EFR3A: variants seen among roughly 807,000 people sequenced by gnomAD.
EFR3A encodes the protein EFR3 homolog A, also known as protein EFR3 homolog A.
Under a neutral mutation model 104.4 loss-of-function variants are expected in EFR3A, and 76 were observed. That is an observed-to-expected ratio of 0.73 (90% CI 0.60 to 0.88). The LOEUF is 0.88. Among genes scored for constraint, EFR3A ranks in the 40% least tolerant of loss-of-function variants. The probability of loss-of-function intolerance (pLI) is 0.00; values close to 1 mark genes in which losing one functional copy is unlikely to be tolerated. For missense variants in EFR3A, 985 were observed against 1,012.5 expected, an observed-to-expected ratio of 0.97 and a Z score of 0.37; for synonymous variants, 330 against 330.0, an observed-to-expected ratio of 1.00 and a Z score of 0.00.
At chr8:131,946,035 T>C (rs1818422275) in intron 3 of EFR3A, among the ~76,000 whole-genome samples, 1 of 152,070 alleles carries the variant, frequency 6.6e-6, no homozygotes, top group Non-Finnish European at 1.5e-5. Context: ...TGTAAAGTAA[T>C]ATTTATGAGA....
At chr8:131,992,050 A>C (rs1035217313) in intron 18 of EFR3A, among the ~76,000 whole-genome samples, 3 of 152,128 alleles carry the variant, frequency 2.0e-5, no homozygotes, top group Non-Finnish European at 4.4e-5. Flanking sequence ...TATTGGCTTC[A>C]ACATGACTCT....
intron 4 of EFR3A, among the ~76,000 whole-genome samples, chr8:131,948,435 TTAAA>T (rs1465985928): frequency 6.6e-6 from 1 of 152,162 alleles, no homozygotes; most frequent in Non-Finnish European, 1.5e-5. Context: ...AGTAAGAGCG[TTAAA>T]TAAACCCTCA....
chr8:131,941,590 A>G (rs923780023), intron 2 of EFR3A, among the ~76,000 whole-genome samples: 4 of 152,122 alleles, frequency 2.6e-5, no homozygotes, highest in Admixed American at 1.3e-4. Context: ...GGACCTTTCC[A>G]TCCAGTAACT....
At chr8:131,943,934 A>G (rs1038838571) in intron 2 of EFR3A, among the ~76,000 whole-genome samples, 1 of 152,104 alleles carries the variant, frequency 6.6e-6, no homozygotes, top group African/African-American at 2.4e-5. Context: ...AAAACGGAGT[A>G]GGTACAAAAT....
chr8:131,936,421 A>G (rs1263345299), intron 1 of EFR3A, among the ~76,000 whole-genome samples: 1 of 152,084 alleles, frequency 6.6e-6, no homozygotes, highest in East Asian at 1.9e-4. Context: ...CAATATTTAC[A>G]TGGAGGTAGT....
intron 9 of EFR3A, among the ~76,000 whole-genome samples, chr8:131,970,072 A>G (rs539774132): frequency 3.3e-5 from 5 of 152,316 alleles, no homozygotes; most frequent in Admixed American, 6.5e-5. Context: ...TACAAAATAA[A>G]TATTTGATGC....
intron 1 of EFR3A, among the ~76,000 whole-genome samples, chr8:131,936,779 G>A (rs1376355372): frequency 6.6e-6 from 1 of 152,132 alleles, no homozygotes; most frequent in African/African-American, 2.4e-5. Context: ...CCAAGTATGG[G>A]AGAAGGAGTG....
chr8:131,999,682 G>A (rs1821691853), intron 19 of EFR3A, among the ~76,000 whole-genome samples: 2 of 150,740 alleles, frequency 1.3e-5, no homozygotes. Flanking sequence ...TTAAATGCTA[G>A]TATAAAGCAG....
In EFR3A at chr8:131,979,404, A is replaced by C; in HGVS notation, c.1558A>C (p.Thr520Pro). The change falls in exon 14 of 23, where the codon ACA becomes CCA. Residue 520 changes from threonine to proline, a missense_variant. Transcript: ENST00000254624. The part of the protein sequence containing the change: ...IKREKICRQD[T>P]SFMKKNGQQL... Reference sequence around the variant, plus strand: ...AAGAGAAAAAATTTGCAGACAAGACACAAGTTTCATGAAAAAGGTAAGACA... The same window carrying C: ...AAGAGAAAAAATTTGCAGACAAGACCCAAGTTTCATGAAAAAGGTAAGACA... 6.4e-7 allele frequency: 1 copy of C among 1,562,476 alleles called. No homozygotes were observed. The highest frequency in any genetic ancestry group is 1.2e-5 in the South Asian group (1 of 84,678).
chr8:131,986,087 TATAA>T, intron 16 of EFR3A, 103 bp from the exon 17 acceptor site: 1 of 490,180 alleles, frequency 2.0e-6, no homozygotes, highest in South Asian at 4.9e-5. Flanking sequence ...TGTTATTTCT[TATAA>T]ATGTTTAAAG....
chr8:131,934,912 A>G (rs1311191112), intron 1 of EFR3A, among the ~76,000 whole-genome samples: 1 of 152,178 alleles, frequency 6.6e-6, no homozygotes, highest in Non-Finnish European at 1.5e-5. Flanking sequence ...TGTATGAAGT[A>G]AATGTCTTGT....
Position 131,923,429 on chromosome 8 carries a change from C to T in EFR3A, c.11-17070C>T, listed in dbSNP as rs188783216. Reference sequence around the variant, plus strand: ...TATAATAAAATGTTTTGTACTCATTCTTTCTAATGTGTTCATTTTGCTCTG... The same window carrying T: ...TATAATAAAATGTTTTGTACTCATTTTTTCTAATGTGTTCATTTTGCTCTG... On this transcript the variant is annotated intron_variant, in intron 1 of 22. Transcript: ENST00000254624. Among the ~76,000 whole-genome samples, 147 of 148,450 alleles carry T rather than the reference C, an allele frequency of 9.9e-4. 1 individual carries two copies. Among genetic ancestry groups the T allele is most frequent in the African/African-American group, 3.6e-3 (144 of 40,398 alleles).
At chr8:131,963,519 A>G (rs1667282391) in intron 8 of EFR3A, among the ~76,000 whole-genome samples, 1 of 152,230 alleles carries the variant, frequency 6.6e-6, no homozygotes, top group Non-Finnish European at 1.5e-5. Context: ...AGACTAAACC[A>G]GGAATAAATT....
intron 3 of EFR3A, 25 bp downstream of exon 3, chr8:131,944,897 AT>A: frequency 6.3e-7 from 1 of 1,596,444 alleles, no homozygotes; most frequent in South Asian, 1.2e-5. Flanking sequence ...GGCTGCTAAA[AT>A]AGTATCTTTG....
intron 18 of EFR3A, among the ~76,000 whole-genome samples, chr8:131,992,705 G>C (rs752072549): frequency 9.2e-5 from 14 of 152,056 alleles, no homozygotes; most frequent in Non-Finnish European, 2.1e-4. Flanking sequence ...GATGACGAAG[G>C]GCAGGTAATG....
intron 1 of EFR3A, 165 bp from the exon 2 acceptor site, chr8:131,940,334 T>C: frequency 1.4e-6 from 1 of 719,760 alleles, no homozygotes; most frequent in Non-Finnish European, 2.2e-6. Context: ...GATAAGAAAT[T>C]TAACTTTGTC....
chr8:131,963,167 A>G (rs1000109436), intron 8 of EFR3A, among the ~76,000 whole-genome samples: 2 of 152,220 alleles, frequency 1.3e-5, no homozygotes, highest in Non-Finnish European at 2.9e-5. Context: ...AGAACTAGAG[A>G]AGCAAGAGCA....
Position 131,987,655 on chromosome 8 carries a change from G to A in EFR3A, c.2018G>A (p.Gly673Glu). The stretch of plus-strand genomic sequence containing the variant: ...ATTGCAGAGTCGCTAGGTGGAAGTG[G>A]ATATAGTGTTGAGAGATTGTCAGTT... ...NKIAESLGGS[G>E]YSVERLSVPY... is the part of the protein sequence containing the mutation. Residue 673 changes from glycine (G) to glutamate (E), a missense_variant, in exon 18 of 23, where the codon GGA becomes GAA. Physicochemically the swap from Gly to Glu is moderately conservative, Grantham distance 98. Coordinates refer to ENST00000254624, the MANE Select transcript of EFR3A (RefSeq NM_015137.6). 3 of 1,596,986 alleles carry A rather than the reference G, an allele frequency of 1.9e-6. No homozygotes were observed. Among genetic ancestry groups the A allele is most frequent in the Non-Finnish European group, 2.6e-6 (3 of 1,170,736 alleles).
intron 19 of EFR3A, among the ~76,000 whole-genome samples, chr8:131,997,804 C>T (rs1012996504): frequency 7.2e-5 from 11 of 151,970 alleles, no homozygotes; most frequent in African/African-American, 2.7e-4. Context: ...CTGGTATTTT[C>T]ACCTTTCTCC....
Sources: gnomAD v4.1 joint callset for allele counts (sites outside exome capture counted in the v4.1 genomes callset) on GRCh38, gnomAD v4.1.1 for gene constraint, MANE v1.5 for transcripts, NCBI Gene and HGNC (gene_info 2026-07-23, HGNC 2026-07-21) for gene names.